The following DLGAP1 variants were observed in gnomAD, a reference collection of about 807,000 sequenced individuals.
DLGAP1 encodes DLG associated protein 1.
A neutral mutation model predicts 90.8 loss-of-function variants in DLGAP1; 11 were observed. The observed-to-expected ratio is 0.12, with a 90% CI of 0.08 to 0.20. DLGAP1 has a LOEUF of 0.20. Ranked by LOEUF, DLGAP1 falls within the 10% of genes least tolerant of loss-of-function variation. DLGAP1 has a pLI of 1.00. For synonymous variants in DLGAP1, 558 were observed against 540.7 expected (o/e 1.03, Z -0.44); for missense variants, 1,050 against 1,333.8 (o/e 0.79, Z 3.31).
chr18:3,923,334 CATT>C (rs1392601151), intron 3 of DLGAP1, among the ~76,000 whole-genome samples: 3 of 151,926 alleles, frequency 2.0e-5, no homozygotes, highest in Non-Finnish European at 2.9e-5. Flanking sequence ...TTAATTTTCA[CATT>C]ATTATAAATA....
chr18:3,926,444 ACATG>A (rs2072389707), intron 3 of DLGAP1, among the ~76,000 whole-genome samples: 1 of 149,956 alleles, frequency 6.7e-6, no homozygotes, highest in Non-Finnish European at 1.5e-5. Context: ...ACACACACAC[ACATG>A]CATGTATGTA....
chr18:4,298,768 A>T lies in DLGAP1; in HGVS notation c.-266-147481T>A, dbSNP rs748239486. On this transcript the variant is annotated intron_variant, in intron 1 of 12. Transcript: ENST00000315677. ...TGCACATGTACCCTAAAATTTAAAT[A>T]AATAAAAAAAAAAAAGCAGCAGCAA... Among the ~76,000 whole-genome samples, 245 of 135,552 alleles carry T rather than the reference A, an allele frequency of 1.8e-3. 2 individuals carry two copies. The highest frequency in any genetic ancestry group is 2.7e-3 in the South Asian group (12 of 4,482). 88.9% of individuals were successfully genotyped at this position (135,552 alleles called of 152,430 possible).
At chr18:3,976,789 A>G (rs2073590534) in intron 3 of DLGAP1, among the ~76,000 whole-genome samples, 1 of 152,220 alleles carries the variant, frequency 6.6e-6, no homozygotes, top group South Asian at 2.1e-4. Flanking sequence ...TGATTTTCAA[A>G]AACTCTGTAT....
intron 1 of DLGAP1, among the ~76,000 whole-genome samples, chr18:4,306,387 A>G (rs2080259382): frequency 6.6e-6 from 1 of 151,822 alleles, no homozygotes; most frequent in Non-Finnish European, 1.5e-5. Flanking sequence ...TAATATGATC[A>G]TATCAGAAGG....
At chr18:3,683,709 A>C (rs772375114) in intron 7 of DLGAP1, among the ~76,000 whole-genome samples, 31 of 152,208 alleles carry the variant, frequency 2.0e-4, no homozygotes, top group Non-Finnish European at 7.3e-5. Context: ...AAGAGTATTA[A>C]ATCATCTCAG....
At chr18:3,903,618 G>A (rs1350898808) in intron 3 of DLGAP1, among the ~76,000 whole-genome samples, 1 of 152,096 alleles carries the variant, frequency 6.6e-6, no homozygotes, top group East Asian at 1.9e-4. Context: ...CAAACAATAA[G>A]AGCCATATTT....
intron 1 of DLGAP1, among the ~76,000 whole-genome samples, chr18:4,239,681 A>G (rs141462449): frequency 1.7e-4 from 26 of 152,314 alleles, no homozygotes; most frequent in African/African-American, 6.0e-4. Flanking sequence ...GTTTCCTCAA[A>G]TGAGATGCTA....
At chr18:4,060,258 C>T (rs747308491) in intron 2 of DLGAP1, among the ~76,000 whole-genome samples, 17 of 152,144 alleles carry the variant, frequency 1.1e-4, no homozygotes, top group Non-Finnish European at 2.5e-4. Flanking sequence ...TCAAGGGCTG[C>T]CTACTCTGTG....
At chr18:4,293,909 G>C (rs1239079854) in intron 1 of DLGAP1, 7 of 152,124 alleles carry the variant, frequency 4.6e-5, no homozygotes, top group Non-Finnish European at 1.0e-4. Context: ...TCCATGTTTA[G>C]ACTTTCCTAC....
chr18:4,099,920 G>A (rs750009063), intron 2 of DLGAP1, among the ~76,000 whole-genome samples: 4 of 152,008 alleles, frequency 2.6e-5, no homozygotes, highest in Non-Finnish European at 5.9e-5. Flanking sequence ...GTCTGGGTAT[G>A]TTGTCTATGC....
In DLGAP1 at chr18:3,496,494, T is replaced by G. The variant is rs2049700182; in HGVS notation, c.*2691A>C. On this transcript the variant is annotated 3_prime_UTR_variant, in exon 13 of 13. Coordinates refer to ENST00000315677, the MANE Select transcript of DLGAP1 (RefSeq NM_004746.4). ...CTCTTTACAAAAAGGTTATGTGAAT[T>G]GTATGGAAACATCTGCAAAAAATAT... The G allele has an allele frequency of 6.6e-6, 1 of 152,190 alleles. No individual in the cohort carries two copies. The highest frequency in any genetic ancestry group is 6.5e-5 in the Admixed American group (1 of 15,278). The allele number at this position is 152,190 out of a possible 1,614,324, so 9.4% of individuals were successfully genotyped here.
Position 4,245,424 on chromosome 18 carries a change from A to G in DLGAP1, c.-266-94137T>C, listed in dbSNP as rs568429784. Among the ~76,000 whole-genome samples, 6 of 152,344 alleles carry G rather than the reference A, an allele frequency of 3.9e-5. No homozygotes were observed. The South Asian group carries it at 1.2e-3, about 32-fold the overall frequency. On this transcript the variant is annotated intron_variant, in intron 1 of 12. Transcript: ENST00000315677. ...AAGAGATTTTCCTGCACATTTCTTT[A>G]GTGAAGTAAGGGATTTCAGAAAAAA...
At chr18:3,922,165 G>A (rs2072282347) in intron 3 of DLGAP1, among the ~76,000 whole-genome samples, 1 of 152,168 alleles carries the variant, frequency 6.6e-6, no homozygotes, top group South Asian at 2.1e-4. Context: ...TTGACAATTG[G>A]GAGATTGCTG....
Position 3,653,914 on chromosome 18 carries a change from C to T in DLGAP1, c.1592-71666G>A, listed in dbSNP as rs1047992153. 1 of 152,020 alleles carries T rather than the reference C, an allele frequency of 6.6e-6. No homozygotes were observed. The highest frequency in any genetic ancestry group is 6.5e-5 in the Admixed American group (1 of 15,270). 9.4% of individuals were successfully genotyped at this position (152,020 alleles called of 1,614,324 possible). A position where few individuals can be genotyped will look rare whatever the true frequency, so the allele number is the denominator to read the frequency against. ...GTAATTAGCTAAGCAGTGGCAAGGC[C>T]GACCATCTGAGGTTTGATTTCTCAT... On this transcript the variant is annotated intron_variant, in intron 7 of 12. Coordinates refer to ENST00000315677, the MANE Select transcript of DLGAP1 (RefSeq NM_004746.4). This position sits in a 1 kb window ranked among gnomAD's most constrained non-coding sequence, Gnocchi z 4.6.
intron 4 of DLGAP1, chr18:3,845,156 ATAGAT>A: frequency 6.5e-7 from 1 of 1,548,540 alleles, no homozygotes; most frequent in Non-Finnish European, 8.8e-7. Flanking sequence ...AAGAAAGATG[ATAGAT>A]TAGCACAGAA....
intron 1 of DLGAP1, among the ~76,000 whole-genome samples, chr18:4,152,118 G>A (rs2076684432): frequency 6.6e-6 from 1 of 152,138 alleles, no homozygotes; most frequent in South Asian, 2.1e-4. Flanking sequence ...TCTGAAAAGT[G>A]ACATAGAAAA....
intron 7 of DLGAP1, among the ~76,000 whole-genome samples, chr18:3,717,419 G>C (rs1053913635): frequency 1.3e-5 from 2 of 152,192 alleles, no homozygotes; most frequent in Non-Finnish European, 2.9e-5. Flanking sequence ...GAAAGAACAC[G>C]AAGTGGATGA....
chr18:3,600,733 T>TAG lies in DLGAP1; in HGVS notation c.1592-18486_1592-18485insCT, dbSNP rs1194884983. 1.0e-3 allele frequency among the ~76,000 whole-genome samples: 38 copies of TAG among 36,934 alleles called. 5 individuals carry two copies. Among genetic ancestry groups the TAG allele is most frequent in the African/African-American group, 5.0e-3 (28 of 5,608 alleles). The allele number at this position is 36,934 out of a possible 152,430, so 24.2% of individuals were successfully genotyped here. On this transcript the variant is annotated intron_variant, in intron 7 of 12. Coordinates refer to ENST00000315677, the MANE Select transcript of DLGAP1 (RefSeq NM_004746.4). ...CTATATAGATATAGAGATATAGATA[T>TAG]ATATAGATATATAGATATATATAGA...
At chr18:3,550,627 G>A (rs189251504) in intron 9 of DLGAP1, among the ~76,000 whole-genome samples, 1 of 151,850 alleles carries the variant, frequency 6.6e-6, no homozygotes, top group African/African-American at 2.4e-5. Flanking sequence ...GACACACACA[G>A]AGGAGAGACG....
Sources: gnomAD v4.1 joint callset for allele counts (sites outside exome capture counted in the v4.1 genomes callset) on GRCh38, gnomAD v4.1.1 for gene constraint, Gnocchi (gnomAD v3.1) non-coding constraint, MANE v1.5 for transcripts, NCBI Gene and HGNC (gene_info 2026-07-23, HGNC 2026-07-21) for gene names.